NECAB1: variants seen among roughly 807,000 people sequenced by gnomAD.
NECAB1 encodes the protein N-terminal EF-hand calcium binding protein 1.
A neutral mutation model predicts 57.5 loss-of-function variants in NECAB1; 29 were observed. The observed-to-expected ratio is 0.50, with a 90% CI of 0.38 to 0.69. The LOEUF (loss-of-function observed/expected upper bound fraction) is 0.69. Ranked by LOEUF, NECAB1 falls within the 30% of genes least tolerant of loss-of-function variation. The pLI, the probability that NECAB1 is intolerant of heterozygous loss-of-function variation, is 0.00. For missense variants in NECAB1, 372 were observed against 413.8 expected, an observed-to-expected ratio of 0.90 and a Z score of 0.88; for synonymous variants, 142 against 147.7, an observed-to-expected ratio of 0.96 and a Z score of 0.28.
At chr8:90,916,134 T>C (rs912116221) in intron 5 of NECAB1, among the ~76,000 whole-genome samples, 4 of 152,228 alleles carry the variant, frequency 2.6e-5, no homozygotes, top group Admixed American at 6.5e-5. Context: ...TCTCAGTAGA[T>C]AAGAAAATTT....
At chr8:90,909,657 G>A (rs1420901725) in intron 5 of NECAB1, among the ~76,000 whole-genome samples, 1 of 127,214 alleles carries the variant, frequency 7.9e-6, no homozygotes, top group Non-Finnish European at 1.6e-5. Context: ...GGAAAACCTT[G>A]TGGTAATCTA....
chr8:90,948,073 T>A (rs371815488), intron 10 of NECAB1, among the ~76,000 whole-genome samples: 9 of 152,298 alleles, frequency 5.9e-5, no homozygotes, highest in Admixed American at 5.2e-4. Context: ...ACTTTATCCT[T>A]AAGAAAATTG....
chr8:90,952,429 G>A (rs1038817179), intron 12 of NECAB1, among the ~76,000 whole-genome samples: 5 of 152,076 alleles, frequency 3.3e-5, no homozygotes, highest in Non-Finnish European at 7.4e-5. Flanking sequence ...AGAGTAAAAT[G>A]CAAAGATACA....
chr8:90,934,217 C>A, intron 8 of NECAB1, 87 bp from the exon 9 acceptor site: 1 of 909,212 alleles, frequency 1.1e-6, no homozygotes, highest in Non-Finnish European at 1.6e-6. Context: ...CAATGTTAGC[C>A]ATGAGAGAAC....
rs1808629888 is a variant in NECAB1, at chr8:90,872,020, A to G, written c.234-108A>G. 1.2e-5 allele frequency: 10 copies of G among 807,760 alleles called. No homozygotes were observed. In the East Asian group the frequency reaches 2.8e-4, roughly 23 times the overall value. The allele number at this position is 807,760 out of a possible 1,614,324, so 50.0% of individuals were successfully genotyped here. On this transcript the variant is annotated intron_variant, in intron 3 of 12. Coordinates refer to ENST00000417640, the MANE Select transcript of NECAB1 (RefSeq NM_022351.5). ...AAGAGAAATACCTTAACTACATACC[A>G]TCAATTAATAATATAGCTTGGAGAC...
intron 8 of NECAB1, among the ~76,000 whole-genome samples, chr8:90,930,568 A>G (rs769103082): frequency 3.3e-5 from 5 of 152,130 alleles, no homozygotes; most frequent in Non-Finnish European, 7.4e-5. Context: ...TGTCGTGAGG[A>G]TGGGTAAGGT....
chr8:90,955,112 T>TTATATATATATA (rs59244524), intron 12 of NECAB1, among the ~76,000 whole-genome samples: 2,044 of 70,642 alleles, frequency 0.029, 163 homozygotes, highest in Non-Finnish European at 0.031. Context: ...GGTATATAAA[T>TTATATATATATA]TATATATATA....
chr8:90,800,411 G>A (rs1811741635), intron 1 of NECAB1, among the ~76,000 whole-genome samples: 1 of 152,146 alleles, frequency 6.6e-6, no homozygotes, highest in African/African-American at 2.4e-5. Context: ...AGCATTCAAG[G>A]AGATGCTTCC....
chr8:90,814,238 G>A (rs1424706584), intron 2 of NECAB1, among the ~76,000 whole-genome samples: 1 of 152,118 alleles, frequency 6.6e-6, no homozygotes, highest in Admixed American at 6.5e-5. Flanking sequence ...TATGTGTTTC[G>A]GAGAGAAAGA....
chr8:90,819,124 G>T (rs372665950), intron 2 of NECAB1, among the ~76,000 whole-genome samples: 24 of 151,606 alleles, frequency 1.6e-4, no homozygotes, highest in African/African-American at 5.6e-4. Context: ...TTCTGTAACA[G>T]TTTTTATTTA....
At chr8:90,840,906 T>C (rs1419293102) in intron 3 of NECAB1, among the ~76,000 whole-genome samples, 1 of 139,094 alleles carries the variant, frequency 7.2e-6, no homozygotes, top group Non-Finnish European at 1.5e-5. Context: ...AATAGAAATC[T>C]AATATTTCAG....
intron 3 of NECAB1, among the ~76,000 whole-genome samples, chr8:90,839,265 T>C (rs891666876): frequency 6.6e-6 from 1 of 152,146 alleles, no homozygotes; most frequent in African/African-American, 2.4e-5. Flanking sequence ...TCCAGGAGAT[T>C]AGGGAGAGAG....
intron 3 of NECAB1, among the ~76,000 whole-genome samples, chr8:90,856,063 T>C (rs1352023700): frequency 6.6e-6 from 1 of 152,166 alleles, no homozygotes; most frequent in African/African-American, 2.4e-5. Flanking sequence ...ACTCCAAGCA[T>C]AATAGAAACA....
chr8:90,925,319 T>G (rs938293769), intron 6 of NECAB1, among the ~76,000 whole-genome samples: 5 of 152,154 alleles, frequency 3.3e-5, no homozygotes, highest in Non-Finnish European at 7.4e-5. Flanking sequence ...ACTCAGAATT[T>G]TAAGAATAAA....
intron 6 of NECAB1, among the ~76,000 whole-genome samples, chr8:90,923,079 A>G (rs1012244609): frequency 2.6e-5 from 4 of 152,178 alleles, no homozygotes; most frequent in African/African-American, 9.7e-5. Context: ...GATACAATAT[A>G]TTTGGTATCA....
At position 90,957,856 on chromosome 8, in the gene NECAB1, A is replaced by T. The variant is rs935820635; in HGVS notation, c.*2344A>T. 8 of 150,950 alleles carry T rather than the reference A, an allele frequency of 5.3e-5. No individual in the cohort carries two copies. The East Asian group carries it at 1.4e-3, about 26-fold the overall frequency. The allele number at this position is 150,950 out of a possible 1,614,324, so 9.4% of individuals were successfully genotyped here. On this transcript the variant is annotated 3_prime_UTR_variant, in exon 13 of 13. Coordinates refer to ENST00000417640, the MANE Select transcript of NECAB1 (RefSeq NM_022351.5). ...AAAAAAAAATTTAAAAAATTAAAAA[A>T]TAAAAAAAAGAGGTCACTAAAAGAC...
chr8:90,926,124 A>G lies in NECAB1; in HGVS notation c.616+468A>G, dbSNP rs562453808. Reference sequence around the variant, plus strand: ...GATATAAGATTTACTGGGCTAAACCATACCCATAATTGTTAGGTTATTAAA... The same window carrying G: ...GATATAAGATTTACTGGGCTAAACCGTACCCATAATTGTTAGGTTATTAAA... On this transcript the variant is annotated intron_variant, in intron 7 of 12. Coordinates refer to ENST00000417640, the MANE Select transcript of NECAB1 (RefSeq NM_022351.5). 2.6e-5 allele frequency among the ~76,000 whole-genome samples: 4 copies of G among 152,348 alleles called. No homozygotes were observed. The South Asian group carries it at 8.3e-4, about 32-fold the overall frequency.
At chr8:90,871,753 C>G (rs1328763197) in intron 3 of NECAB1, among the ~76,000 whole-genome samples, 1 of 152,106 alleles carries the variant, frequency 6.6e-6, no homozygotes, top group Non-Finnish European at 1.5e-5. Context: ...CTATCCTCAT[C>G]TTGGGTCAGA....
chr8:90,802,352 T>C (rs1002610266), intron 2 of NECAB1, among the ~76,000 whole-genome samples: 3 of 152,256 alleles, frequency 2.0e-5, no homozygotes, highest in Non-Finnish European at 2.9e-5. Flanking sequence ...TAATGATGAC[T>C]GCACAACATC....
Sources: gnomAD v4.1 joint callset for allele counts (sites outside exome capture counted in the v4.1 genomes callset) on GRCh38, gnomAD v4.1.1 for gene constraint, MANE v1.5 for transcripts, NCBI Gene and HGNC (gene_info 2026-07-23, HGNC 2026-07-21) for gene names.